Variants in FAM171A1 observed in about 807,000 individuals in gnomAD.
FAM171A1 encodes protein FAM171A1.
FAM171A1 carries 23 observed loss-of-function variants against 74.9 expected under a neutral mutation model. That is an observed-to-expected ratio of 0.31 (90% CI 0.22 to 0.44). The LOEUF (loss-of-function observed/expected upper bound fraction) is 0.44. FAM171A1 is among the 20% of genes least tolerant of loss of function. The pLI, the probability that FAM171A1 is intolerant of heterozygous loss-of-function variation, is 1.00. For synonymous variants in FAM171A1, 527 were observed against 505.7 expected (o/e 1.04, Z -0.57); for missense variants, 1,162 against 1,159.2 (o/e 1.00, Z -0.03).
At chr10:15,352,207 C>T (rs1835888425) in intron 1 of FAM171A1, among the ~76,000 whole-genome samples, 1 of 151,844 alleles carries the variant, frequency 6.6e-6, no homozygotes, top group Admixed American at 6.6e-5. Flanking sequence ...CCACTGCACT[C>T]CAGCCTGGGC....
intron 1 of FAM171A1, among the ~76,000 whole-genome samples, chr10:15,324,450 C>A (rs139844805): frequency 3.2e-4 from 49 of 152,314 alleles, no homozygotes; most frequent in African/African-American, 1.0e-3. Flanking sequence ...ATCCCCATAA[C>A]GTATCGTGAA....
chr10:15,348,651 C>T (rs944276220), intron 1 of FAM171A1, among the ~76,000 whole-genome samples: 1 of 152,192 alleles, frequency 6.6e-6, no homozygotes, highest in African/African-American at 2.4e-5. Flanking sequence ...CCAGCAGCAT[C>T]AGCCTCACGG....
At chr10:15,337,274 C>A (rs1835712370) in intron 1 of FAM171A1, among the ~76,000 whole-genome samples, 1 of 152,212 alleles carries the variant, frequency 6.6e-6, no homozygotes, top group Non-Finnish European at 1.5e-5. Flanking sequence ...GAAATATATG[C>A]AAATGGTCTT....
At chr10:15,256,543 T>C (rs1340303378) in intron 3 of FAM171A1, among the ~76,000 whole-genome samples, 1 of 152,174 alleles carries the variant, frequency 6.6e-6, no homozygotes, top group Non-Finnish European at 1.5e-5. Flanking sequence ...ACTCCGGTCA[T>C]CTCTGCTGAA....
intron 1 of FAM171A1, among the ~76,000 whole-genome samples, chr10:15,322,470 TG>T (rs1835498131): frequency 2.0e-5 from 3 of 152,254 alleles, no homozygotes; most frequent in Non-Finnish European, 4.4e-5. Context: ...TTCCCTCACC[TG>T]AACTGTAGCA....
chr10:15,323,488 C>A (rs1835512803), intron 1 of FAM171A1, among the ~76,000 whole-genome samples: 1 of 152,084 alleles, frequency 6.6e-6, no homozygotes, highest in Admixed American at 6.6e-5. Context: ...AATAAAAAAA[C>A]AAAATAAAGT....
Position 15,332,834 on chromosome 10 carries a change from C to T in FAM171A1, c.97+38122G>A, listed in dbSNP as rs1043704582. ...TTTCAGTGAATCTGTCTGAGAATGG[C>T]GAGGAAGGAAGAGCTCGGAATCCCT... On this transcript the variant is annotated intron_variant, in intron 1 of 7. Coordinates refer to ENST00000378116, the MANE Select transcript of FAM171A1 (RefSeq NM_001010924.2). Among the ~76,000 whole-genome samples the T allele has an allele frequency of 4.6e-5, 7 of 151,980 alleles. No individual in the cohort carries two copies. In the East Asian group the frequency reaches 7.7e-4, roughly 17 times the overall value.
At chr10:15,301,408 G>A (rs1256498755) in intron 1 of FAM171A1, among the ~76,000 whole-genome samples, 1 of 145,964 alleles carries the variant, frequency 6.9e-6, no homozygotes, top group Non-Finnish European at 1.5e-5. Context: ...TCACCACGTT[G>A]GCCAGCCTGG....
chr10:15,238,208 T>C (rs1834319273), intron 5 of FAM171A1, among the ~76,000 whole-genome samples: 1 of 152,212 alleles, frequency 6.6e-6, no homozygotes, highest in African/African-American at 2.4e-5. Context: ...CACCTAGTCA[T>C]GTGGCTTGTG....
intron 3 of FAM171A1, among the ~76,000 whole-genome samples, chr10:15,274,906 G>A (rs535059668): frequency 6.6e-6 from 1 of 152,258 alleles, no homozygotes; most frequent in East Asian, 1.9e-4. Context: ...TGTACACCAT[G>A]GAATACTATG....
chr10:15,282,456 G>A (rs1834982120), intron 2 of FAM171A1, among the ~76,000 whole-genome samples: 2 of 152,132 alleles, frequency 1.3e-5, no homozygotes, highest in South Asian at 2.1e-4. Context: ...ACTATTGATC[G>A]GTTCATGAAA....
intron 3 of FAM171A1, among the ~76,000 whole-genome samples, chr10:15,270,815 C>A (rs1275102628): frequency 6.6e-6 from 1 of 152,210 alleles, no homozygotes; most frequent in Non-Finnish European, 1.5e-5. Context: ...AGCTGAGGGT[C>A]CTGACTGTTA....
At chr10:15,252,909 C>T (rs1459424411) in intron 4 of FAM171A1, among the ~76,000 whole-genome samples, 3 of 152,170 alleles carry the variant, frequency 2.0e-5, no homozygotes, top group South Asian at 2.1e-4. Flanking sequence ...TAATGAGTCC[C>T]GAGCACGGAG....
In FAM171A1 at chr10:15,235,684, G is replaced by A. The variant is rs965339129; in HGVS notation, c.754+12955C>T. ...ACTCAGGCAATAACATTATGTGATC[G>A]TTTTAAATTCTGTATTGAATTCAGA... is the stretch of plus-strand genomic sequence containing the variant. On this transcript the variant is annotated intron_variant, in intron 5 of 7. Coordinates refer to ENST00000378116, the MANE Select transcript of FAM171A1 (RefSeq NM_001010924.2). Among the ~76,000 whole-genome samples the A allele has an allele frequency of 5.3e-5, 8 of 152,138 alleles. No homozygotes were observed. In the East Asian group the frequency reaches 9.6e-4, roughly 18 times the overall value.
chr10:15,252,755 T>C (rs542729311), intron 4 of FAM171A1, among the ~76,000 whole-genome samples: 1 of 152,322 alleles, frequency 6.6e-6, no homozygotes, highest in East Asian at 1.9e-4. Flanking sequence ...AAGACCTCTC[T>C]TCCCTTTGAA....
chr10:15,226,883 G>A (rs966068279), intron 5 of FAM171A1, among the ~76,000 whole-genome samples: 1 of 151,714 alleles, frequency 6.6e-6, no homozygotes, highest in South Asian at 2.1e-4. Flanking sequence ...CCACCCCCCA[G>A]CTTCCCACCT....
chr10:15,261,348 C>A (rs898032607), intron 3 of FAM171A1, among the ~76,000 whole-genome samples: 12 of 152,222 alleles, frequency 7.9e-5, no homozygotes, highest in Admixed American at 4.6e-4. Flanking sequence ...AGCCAGTAAT[C>A]TTGGGGATAA....
intron 1 of FAM171A1, among the ~76,000 whole-genome samples, chr10:15,312,685 T>C (rs1471481400): frequency 1.6e-5 from 1 of 64,062 alleles, no homozygotes; most frequent in Non-Finnish European, 3.3e-5. Flanking sequence ...TTTTTTTTTT[T>C]TTTTTTTTTT....
rs1177011612 is a variant in FAM171A1, at chr10:15,212,798, C to T, written c.*117G>A. 7.7e-7 allele frequency: 1 copy of T among 1,298,284 alleles called. No homozygotes were observed. Among genetic ancestry groups the T allele is most frequent in the East Asian group, 2.3e-5 (1 of 43,436 alleles). 80.4% of individuals were successfully genotyped at this position (1,298,284 alleles called of 1,614,324 possible). ...CGGCAAACAGGAATGCAGTAAACGT[C>T]CACGTCCGTCCCACGGCTGGGCTGC... On this transcript the variant is annotated 3_prime_UTR_variant, in exon 8 of 8. Coordinates refer to ENST00000378116, the MANE Select transcript of FAM171A1 (RefSeq NM_001010924.2).
Sources: allele counts gnomAD v4.1 joint callset (sites outside exome capture counted in the v4.1 genomes callset), GRCh38; gene constraint gnomAD v4.1.1; transcripts MANE v1.5; gene names NCBI Gene and HGNC (gene_info 2026-07-23, HGNC 2026-07-21).